The following TRANK1 variants were observed in gnomAD, a reference collection of about 807,000 sequenced individuals.
TRANK1 encodes tetratricopeptide repeat and ankyrin repeat containing 1.
TRANK1 carries 198 observed loss-of-function variants against 266.0 expected under a neutral mutation model. That is an observed-to-expected ratio of 0.74 (90% CI 0.66 to 0.84). The LOEUF (loss-of-function observed/expected upper bound fraction) is 0.84, where lower values mean the gene tolerates loss of function less well. Ranked by LOEUF, TRANK1 falls within the 40% of genes least tolerant of loss-of-function variation. TRANK1 has a pLI of 0.00. For missense variants in TRANK1, 3,326 were observed against 3,634.6 expected (o/e 0.92, Z 2.18); for synonymous variants, 1,396 against 1,384.1 (o/e 1.01, Z -0.19).
intron 1 of TRANK1, among the ~76,000 whole-genome samples, chr3:36,930,822 G>A (rs1192970478): frequency 6.6e-6 from 1 of 152,166 alleles, no homozygotes; most frequent in African/African-American, 2.4e-5. Context: ...TGAACTTTCT[G>A]GAAGAATGGA....
intron 9 of TRANK1, among the ~76,000 whole-genome samples, chr3:36,869,077 A>C (rs913704914): frequency 2.0e-5 from 3 of 152,238 alleles, no homozygotes; most frequent in African/African-American, 7.2e-5. Context: ...AACTGGATAA[A>C]GACCATTCTG....
At chr3:36,888,774 C>G (rs563998886) in intron 8 of TRANK1, among the ~76,000 whole-genome samples, 7 of 152,292 alleles carry the variant, frequency 4.6e-5, no homozygotes, top group African/African-American at 1.7e-4. Flanking sequence ...ATCCAGATTT[C>G]TGGCCAGGCA....
At position 36,860,947 on chromosome 3, in the gene TRANK1, T is replaced by G; in HGVS notation, c.1454A>C (p.Gln485Pro). The G allele has an allele frequency of 6.5e-7, 1 of 1,537,576 alleles. No homozygotes were observed. Among genetic ancestry groups the G allele is most frequent in the Non-Finnish European group, 8.7e-7 (1 of 1,146,970 alleles). Residue 485 changes from glutamine (Q) to proline (P), a missense_variant, in exon 11 of 24, where the codon CAG becomes CCG. By Grantham distance (76) the Gln-to-Pro change is moderately conservative. Coordinates refer to ENST00000645898, the MANE Select transcript of TRANK1 (RefSeq NM_001329998.2). ...GCAGCCCAGAAGCTGTTTCTTCCGC[T>G]GGTCCCAGGTGCTGAGATGGGGGAT... The part of the protein sequence containing the change: ...TIIPHLSTWD[Q>P]RKKQLLGCLI...
intron 1 of TRANK1, among the ~76,000 whole-genome samples, chr3:36,925,025 G>T (rs1340329216): frequency 6.6e-6 from 1 of 152,118 alleles, no homozygotes; most frequent in Admixed American, 6.5e-5. Flanking sequence ...GAGAAACAAG[G>T]GTGTTAGGGG....
chr3:36,944,817 G>C lies in TRANK1; in HGVS notation c.-8C>G. 1.3e-6 allele frequency: 2 copies of C among 1,488,888 alleles called. No homozygotes were observed. The highest frequency in any genetic ancestry group is 1.8e-6 in the Non-Finnish European group (2 of 1,126,478). 92.2% of individuals were successfully genotyped at this position (1,488,888 alleles called of 1,614,324 possible). A position where few individuals can be genotyped will look rare whatever the true frequency, so the allele number is the denominator to read the frequency against. On this transcript the variant is annotated 5_prime_UTR_variant, in exon 1 of 24. Coordinates refer to ENST00000645898, the MANE Select transcript of TRANK1 (RefSeq NM_001329998.2). ...TGCCCGCGGGTCCCACATGGCTGCG[G>C]CCGGAGGGTCCGCACCAGGACCGCC...
intron 10 of TRANK1, among the ~76,000 whole-genome samples, chr3:36,863,044 A>T (rs929081143): frequency 1.3e-5 from 2 of 152,204 alleles, no homozygotes; most frequent in Non-Finnish European, 2.9e-5. Context: ...GAAAAAAGTT[A>T]AAAAGGTTGG....
intron 9 of TRANK1, among the ~76,000 whole-genome samples, chr3:36,865,988 AAGAAAGAAAG>A (rs2079212892): frequency 1.3e-5 from 2 of 150,516 alleles, no homozygotes; most frequent in Non-Finnish European, 3.0e-5. Flanking sequence ...GAGAGAGAGA[AAGAAAGAAAG>A]AGAAAGAGAG....
chr3:36,834,670 A>G (rs1329459137), intron 21 of TRANK1, 92 bp downstream of exon 21: 15 of 1,438,246 alleles, frequency 1.0e-5, no homozygotes, highest in African/African-American at 1.4e-5. Context: ...AAACCATGTC[A>G]GAAGCAGCAG....
At chr3:36,830,604 C>T (rs372091453) in intron 22 of TRANK1, among the ~76,000 whole-genome samples, 2 of 152,308 alleles carry the variant, frequency 1.3e-5, no homozygotes, top group African/African-American at 4.8e-5. Context: ...GCTTTTAACC[C>T]TCTGTAGGAA....
At chr3:36,905,145 G>A (rs539259909) in intron 2 of TRANK1, among the ~76,000 whole-genome samples, 100 of 152,172 alleles carry the variant, frequency 6.6e-4, no homozygotes, top group African/African-American at 2.0e-3. Context: ...AAAATTAGCC[G>A]GGCGTGGTGG....
intron 4 of TRANK1, among the ~76,000 whole-genome samples, chr3:36,898,215 G>A (rs917684457): frequency 1.3e-5 from 2 of 152,230 alleles, no homozygotes; most frequent in Non-Finnish European, 2.9e-5. Context: ...CACTTTAGGA[G>A]GCCAAGGCAG....
intron 8 of TRANK1, among the ~76,000 whole-genome samples, chr3:36,887,330 A>C (rs990088615): frequency 6.6e-6 from 1 of 152,224 alleles, no homozygotes; most frequent in Non-Finnish European, 1.5e-5. Context: ...TTCAAATAAA[A>C]AATTATATGA....
At chr3:36,907,443 C>A (rs1057259771) in intron 2 of TRANK1, among the ~76,000 whole-genome samples, 10 of 151,108 alleles carry the variant, frequency 6.6e-5, no homozygotes, top group African/African-American at 2.2e-4. Flanking sequence ...AGCCACTCTA[C>A]CCAGCAAATT....
intron 7 of TRANK1, among the ~76,000 whole-genome samples, chr3:36,890,581 G>A (rs976192751): frequency 6.6e-6 from 1 of 152,198 alleles, no homozygotes; most frequent in African/African-American, 2.4e-5. Context: ...GACAACAGGT[G>A]GGGGTGAGGG....
chr3:36,899,333 T>C (rs1164418155), intron 3 of TRANK1, 74 bp from the exon 4 acceptor site: 3 of 1,474,072 alleles, frequency 2.0e-6, no homozygotes, highest in African/African-American at 1.4e-5. Flanking sequence ...AAAAGCAAAA[T>C]TGGCAACATG....
chr3:36,833,377 G>A lies in TRANK1; in HGVS notation c.6206C>T (p.Ala2069Val). 1 of 1,613,860 alleles carries A rather than the reference G, an allele frequency of 6.2e-7. No homozygotes were observed. ...SAGVVEALYE[A>V]ASQCEAEPEK... Reference sequence around the variant, plus strand: ...AGGCTCGGCCTCACACTGGCTGGCTGCTTCGTAGAGTGCTTCCACCACTCC... The same window carrying A: ...AGGCTCGGCCTCACACTGGCTGGCTACTTCGTAGAGTGCTTCCACCACTCC... Residue 2069 changes from alanine (A) to valine (V), a missense_variant, in exon 22 of 24, where the codon GCA (alanine) becomes GTA (valine). Physicochemically the swap from Ala to Val is moderately conservative, Grantham distance 64. Transcript: ENST00000645898.
At chr3:36,911,055 C>T (rs1488890402) in intron 1 of TRANK1, among the ~76,000 whole-genome samples, 4 of 151,564 alleles carry the variant, frequency 2.6e-5, no homozygotes, top group Admixed American at 6.6e-5. Context: ...GGGTGACAAG[C>T]GCTAACTCCA....
intron 1 of TRANK1, among the ~76,000 whole-genome samples, chr3:36,926,512 C>T (rs2080290602): frequency 6.6e-6 from 1 of 152,148 alleles, no homozygotes; most frequent in Non-Finnish European, 1.5e-5. Flanking sequence ...AATCATCCAC[C>T]GTGACAAAGC....
At position 36,938,293 on chromosome 3, in the gene TRANK1, A is replaced by G. The variant is rs1249666216; in HGVS notation, c.23+6494T>C. Among the ~76,000 whole-genome samples the G allele has an allele frequency of 2.6e-5, 4 of 152,170 alleles. No homozygotes were observed. The East Asian group carries it at 5.8e-4, about 22-fold the overall frequency. On this transcript the variant is annotated intron_variant, in intron 1 of 23. Coordinates refer to ENST00000645898, the MANE Select transcript of TRANK1 (RefSeq NM_001329998.2). ...GAGTGCAGTGGCCTGGTCTCGGCTC[A>G]CTGCAACCTCCGCCTCCTGGGTTCA...
Sources: gnomAD v4.1 joint callset for allele counts (sites outside exome capture counted in the v4.1 genomes callset) on GRCh38, gnomAD v4.1.1 for gene constraint, MANE v1.5 for transcripts, NCBI Gene and HGNC (gene_info 2026-07-23, HGNC 2026-07-21) for gene names.